Variants in ALDH3A2 observed in about 807,000 individuals in gnomAD.
ALDH3A2 encodes aldehyde dehydrogenase 3 family member A2.
Under a neutral mutation model 51.3 loss-of-function variants are expected in ALDH3A2, and 36 were observed. That is an observed-to-expected ratio of 0.70 (90% CI 0.54 to 0.93). ALDH3A2 has a LOEUF of 0.93. Ranked by LOEUF, ALDH3A2 falls within the 40% of genes least tolerant of loss-of-function variation. ALDH3A2 has a pLI of 0.00. For synonymous variants in ALDH3A2, 199 were observed against 219.8 expected, an observed-to-expected ratio of 0.91 and a Z score of 0.84; for missense variants, 552 against 603.1, an observed-to-expected ratio of 0.92 and a Z score of 0.89.
In ALDH3A2 at chr17:19,652,755, C is replaced by G. The variant is rs2084833763; in HGVS notation, c.471+123C>G. The G allele has an allele frequency of 2.0e-5, 17 of 834,238 alleles. No individual in the cohort carries two copies. The Admixed American group carries it at 3.2e-4, about 16-fold the overall frequency. 51.7% of individuals were successfully genotyped at this position (834,238 alleles called of 1,614,324 possible). A position where few individuals can be genotyped will look rare whatever the true frequency, so the allele number is the denominator to read the frequency against. On this transcript the variant is annotated intron_variant, in intron 3 of 9. Transcript: ENST00000176643. ...AATTGCAGTCTCTTTAAGCCTTCAA[C>G]AGTTGGCTTAGCAAAAGAAGTTCGG...
chr17:19,652,660 A>G (rs563546027), intron 3 of ALDH3A2, 28 bp downstream of exon 3: 18 of 1,530,792 alleles, frequency 1.2e-5, no homozygotes, highest in Middle Eastern at 1.7e-4. Context: ...CATCTCCAAC[A>G]TATGTGTTTA....
At chr17:19,664,256 G>A (rs1392935431) in intron 7 of ALDH3A2, among the ~76,000 whole-genome samples, 1 of 152,204 alleles carries the variant, frequency 6.6e-6, no homozygotes, top group Non-Finnish European at 1.5e-5. Context: ...GATAATGTGG[G>A]CAGGAAGGAA....
chr17:19,663,951 G>T (rs932501948), intron 7 of ALDH3A2, among the ~76,000 whole-genome samples: 3 of 152,174 alleles, frequency 2.0e-5, no homozygotes, highest in Non-Finnish European at 4.4e-5. Context: ...CTAACATGAC[G>T]CTAGCTTCTT....
chr17:19,664,809 C>G (rs369330616), intron 7 of ALDH3A2, 139 bp from the exon 8 acceptor site: 1 of 692,944 alleles, frequency 1.4e-6, no homozygotes. Context: ...TCCCCAAACT[C>G]GAGAATTTTC....
At chr17:19,672,064 G>C in intron 9 of ALDH3A2, 108 bp downstream of exon 9, 5 of 1,088,870 alleles carry the variant, frequency 4.6e-6, no homozygotes, top group Non-Finnish European at 7.0e-6. Flanking sequence ...CTAAGACAGG[G>C]TCAGTGAACC....
chr17:19,657,490 T>G (rs957313985), intron 4 of ALDH3A2, among the ~76,000 whole-genome samples: 1 of 152,242 alleles, frequency 6.6e-6, no homozygotes, highest in Admixed American at 6.5e-5. Context: ...ATGGCTTCAC[T>G]GTTTACCAAG....
chr17:19,663,486 C>T lies in ALDH3A2; in HGVS notation c.1094C>T (p.Ser365Leu), dbSNP rs72547573. Reference sequence around the variant, plus strand: ...AAGCCTCTGGCTCTTTATGTATTTTCGCATAACCATAAGGTAAGCTTTAGA... The same window carrying T: ...AAGCCTCTGGCTCTTTATGTATTTTTGCATAACCATAAGGTAAGCTTTAGA... ...REKPLALYVFSHNHKLIKRMI... is the reference protein window; with the variant it reads ...REKPLALYVFLHNHKLIKRMI... Residue 365 changes from serine to leucine, a missense_variant, in exon 7 of 10, where the codon TCG becomes TTG. Transcript: ENST00000176643. The T allele has an allele frequency of 4.3e-6, 7 of 1,613,836 alleles. No homozygotes were observed. Among genetic ancestry groups the T allele is most frequent in the East Asian group, 2.2e-5 (1 of 44,872 alleles).
intron 8 of ALDH3A2, among the ~76,000 whole-genome samples, chr17:19,665,964 AAGGAGCCTTGACCT>A (rs1278905919): frequency 3.9e-5 from 6 of 152,170 alleles, no homozygotes; most frequent in Admixed American, 6.5e-5. Context: ...TCCTATGACC[AAGGAGCCTTGACCT>A]ATATAGCCAC....
intron 7 of ALDH3A2, 21 bp from the exon 8 acceptor site, chr17:19,664,927 A>G: frequency 6.3e-7 from 1 of 1,598,358 alleles, no homozygotes; most frequent in South Asian, 1.1e-5. Flanking sequence ...ACTGACCTGG[A>G]CACCTTTGGT....
chr17:19,663,246 G>A, intron 6 of ALDH3A2, 87 bp from the exon 7 acceptor site: 1 of 1,489,568 alleles, frequency 6.7e-7, no homozygotes, highest in Non-Finnish European at 9.3e-7. Flanking sequence ...GAAAGGCATG[G>A]ATAAGTGACC....
At chr17:19,671,314 C>T (rs991470247) in intron 8 of ALDH3A2, among the ~76,000 whole-genome samples, 5 of 152,326 alleles carry the variant, frequency 3.3e-5, no homozygotes, top group African/African-American at 9.6e-5. Context: ...TCTGGCTTTG[C>T]CACTTAGCAG....
Position 19,663,465 on chromosome 17 carries a change from CT to C in ALDH3A2, c.1074del (p.Leu359TrpfsTer16). 1.9e-6 allele frequency: 3 copies of C among 1,614,076 alleles called. No homozygotes were observed. Among genetic ancestry groups the C allele is most frequent in the Non-Finnish European group, 2.5e-6 (3 of 1,180,020 alleles). On this transcript the variant is annotated frameshift_variant, in exon 7 of 10. Coordinates refer to ENST00000176643, the MANE Select transcript of ALDH3A2 (RefSeq NM_000382.3). LOFTEE classifies it high-confidence loss of function. ...AATTTCATAAATGAACGTGAAAAGC[CT>C]CTGGCTCTTTATGTATTTTCGCATA... ...AINFINEREK[P>X]LALYVFSHNH...
Position 19,669,795 on chromosome 17 carries a change from T to C in ALDH3A2, c.1208-1926T>C, listed in dbSNP as rs547263244. On this transcript the variant is annotated intron_variant, in intron 8 of 9. Coordinates refer to ENST00000176643, the MANE Select transcript of ALDH3A2 (RefSeq NM_000382.3). ...GATTACAAGGGTGCACCACCATGCC[T>C]GGCTAATTAAAAAAATTTTTTTTGT... is the stretch of plus-strand genomic sequence containing the variant. Among the ~76,000 whole-genome samples, 4 of 152,182 alleles carry C rather than the reference T, an allele frequency of 2.6e-5. No homozygotes were observed. The South Asian group carries it at 8.3e-4, about 32-fold the overall frequency.
intron 1 of ALDH3A2, among the ~76,000 whole-genome samples, chr17:19,650,891 A>G (rs2084806374): frequency 6.6e-6 from 1 of 152,262 alleles, no homozygotes; most frequent in African/African-American, 2.4e-5. Context: ...ACTAGTAGCA[A>G]CTATGAAATT....
In ALDH3A2 at chr17:19,670,768, G is replaced by A. The variant is rs573468040; in HGVS notation, c.1208-953G>A. Among the ~76,000 whole-genome samples the A allele has an allele frequency of 2.8e-4, 43 of 152,198 alleles. No individual in the cohort carries two copies. In the East Asian group the frequency reaches 7.9e-3, roughly 28 times the overall value. ...AGTAGAGACGGGATTTAACGATGTTGGCCAGGATGGTCTTGATCTCTTGAC... is the reference window on the plus strand; with the variant it reads ...AGTAGAGACGGGATTTAACGATGTTAGCCAGGATGGTCTTGATCTCTTGAC... On this transcript the variant is annotated intron_variant, in intron 8 of 9. Transcript: ENST00000176643.
chr17:19,666,846 A>G (rs1290158295), intron 8 of ALDH3A2, among the ~76,000 whole-genome samples: 3 of 151,192 alleles, frequency 2.0e-5, no homozygotes, highest in African/African-American at 4.8e-5. Flanking sequence ...GCAACCTATT[A>G]TATACCCACA....
chr17:19,664,269 C>A (rs2085006131), intron 7 of ALDH3A2, among the ~76,000 whole-genome samples: 1 of 152,176 alleles, frequency 6.6e-6, no homozygotes, highest in African/African-American at 2.4e-5. Flanking sequence ...GGAAGGAACC[C>A]TGAAGCCGAA....
chr17:19,669,577 A>T (rs1361088520), intron 8 of ALDH3A2, among the ~76,000 whole-genome samples: 1 of 152,134 alleles, frequency 6.6e-6, no homozygotes, highest in African/African-American at 2.4e-5. Context: ...TTTATAAGTG[A>T]CATTTAGTAA....
Position 19,676,721 on chromosome 17 carries a change from G to A in ALDH3A2, c.*1149G>A, listed in dbSNP as rs1426012897. ...ACTAATCCTCTTTCAGGACCCTAAA[G>A]TTGCAGGTTAGTAGGTCTTCAAGGA... On this transcript the variant is annotated 3_prime_UTR_variant, in exon 10 of 10. Transcript: ENST00000176643. The A allele has an allele frequency of 6.6e-6, 1 of 152,164 alleles. No individual in the cohort carries two copies. Among genetic ancestry groups the A allele is most frequent in the Non-Finnish European group, 1.5e-5 (1 of 68,034 alleles). 9.4% of individuals were successfully genotyped at this position (152,164 alleles called of 1,614,324 possible).
Sources: gnomAD v4.1 joint callset for allele counts (sites outside exome capture counted in the v4.1 genomes callset) on GRCh38, gnomAD v4.1.1 for gene constraint, MANE v1.5 for transcripts, NCBI Gene and HGNC (gene_info 2026-07-23, HGNC 2026-07-21) for gene names.